The following TLN2 variants were observed in gnomAD, a reference collection of about 807,000 sequenced individuals.
TLN2 encodes talin 2, also known as talin-2.
TLN2 carries 118 observed loss-of-function variants against 294.7 expected under a neutral mutation model. The ratio of observed to expected loss-of-function variants is 0.40; its 90% CI spans 0.34 to 0.47. TLN2 has a LOEUF of 0.47. Ranked by LOEUF, TLN2 falls within the 20% of genes least tolerant of loss-of-function variation. The probability of loss-of-function intolerance (pLI) is 0.84; values close to 1 mark genes in which losing one functional copy is unlikely to be tolerated. For missense variants in TLN2, 3,083 were observed against 3,282.2 expected (o/e 0.94, Z 1.48); for synonymous variants, 1,431 against 1,304.5 (o/e 1.10, Z -2.09).
At chr15:62,491,372 A>G (rs989858894) in intron 1 of TLN2, among the ~76,000 whole-genome samples, 3 of 127,704 alleles carry the variant, frequency 2.3e-5, no homozygotes, top group African/African-American at 1.0e-4. Flanking sequence ...ACACACACAC[A>G]CACACACACA....
intron 1 of TLN2, among the ~76,000 whole-genome samples, chr15:62,421,732 G>A (rs928800034): frequency 2.0e-5 from 3 of 151,924 alleles, no homozygotes; most frequent in African/African-American, 4.8e-5. Context: ...TTGATGCTGC[G>A]GTTATGAAAT....
chr15:62,700,114 A>G (rs2058623058), intron 16 of TLN2, among the ~76,000 whole-genome samples: 1 of 152,192 alleles, frequency 6.6e-6, no homozygotes, highest in Admixed American at 6.5e-5. Context: ...AACAATAAAC[A>G]TTTGCTTTGG....
chr15:62,453,926 G>A (rs1353676853), intron 1 of TLN2, among the ~76,000 whole-genome samples: 2 of 152,120 alleles, frequency 1.3e-5, no homozygotes, highest in African/African-American at 2.4e-5. Flanking sequence ...GCTGCCGGTG[G>A]GTAGGTGGAT....
rs368760477 is a variant in TLN2, at chr15:62,728,926, A to G, written c.3358+1737A>G. Among the ~76,000 whole-genome samples the G allele has an allele frequency of 3.3e-5, 5 of 152,296 alleles. 1 individual carries two copies. The highest frequency in any genetic ancestry group is 3.8e-4 in the East Asian group (2 of 5,196). ...GTGCCCTATTTTAAAACTTTTGCCT[A>G]AGATTAATGCAGATGTTCTCCTCTG... On this transcript the variant is annotated intron_variant, in intron 28 of 58. Transcript: ENST00000636159.
intron 11 of TLN2, among the ~76,000 whole-genome samples, chr15:62,677,806 C>CTTTTTTTTTTTTTTT (rs3055781): frequency 0.21 from 15,791 of 74,918 alleles, 5,282 homozygotes; most frequent in East Asian, 0.47. Context: ...GCACTTGCAA[C>CTTTTTTTTTTTTTTT]TTTTTTTTTT....
chr15:62,403,493 G>A (rs58390856), intron 1 of TLN2, among the ~76,000 whole-genome samples: 6,581 of 152,212 alleles, frequency 0.043, 197 homozygotes, highest in Admixed American at 0.081. Flanking sequence ...TTGGCCTCCC[G>A]AAGTGTTGGG....
At chr15:62,452,385 A>G (rs1004735149) in intron 1 of TLN2, among the ~76,000 whole-genome samples, 13 of 152,232 alleles carry the variant, frequency 8.5e-5, no homozygotes, top group African/African-American at 2.9e-4. Context: ...CACAAGAGAG[A>G]GAAAGACCTG....
intron 32 of TLN2, among the ~76,000 whole-genome samples, chr15:62,745,540 A>G (rs1241354706): frequency 1.3e-5 from 2 of 152,082 alleles, no homozygotes; most frequent in African/African-American, 2.4e-5. Flanking sequence ...CTATGCATAT[A>G]TATGTTTATT....
At chr15:62,562,055 T>C (rs2043010270) in intron 1 of TLN2, among the ~76,000 whole-genome samples, 1 of 152,204 alleles carries the variant, frequency 6.6e-6, no homozygotes, top group Non-Finnish European at 1.5e-5. Context: ...AGTCTAGAAC[T>C]GTCCATCTTC....
At position 62,553,264 on chromosome 15, in the gene TLN2, G is replaced by A. The variant is rs1258631341; in HGVS notation, c.-237-36423G>A. Among the ~76,000 whole-genome samples, 3 of 152,150 alleles carry A rather than the reference G, an allele frequency of 2.0e-5. No homozygotes were observed. In the East Asian group the frequency reaches 5.8e-4, roughly 29 times the overall value. On this transcript the variant is annotated intron_variant, in intron 1 of 58. Coordinates refer to ENST00000636159, the MANE Select transcript of TLN2 (RefSeq NM_015059.3). ...TAATCCCAGCACTTTGGGAGGCCGA[G>A]GCAGATGGATCATCTGTCAGGAGTT...
At chr15:62,637,523 C>T (rs949994400) in intron 3 of TLN2, 1 of 152,160 alleles carries the variant, frequency 6.6e-6, no homozygotes, top group African/African-American at 2.4e-5. Context: ...ACATACAGGC[C>T]AGGAATTCAT....
At chr15:62,424,639 TA>T (rs774886865) in intron 1 of TLN2, among the ~76,000 whole-genome samples, 2 of 149,702 alleles carry the variant, frequency 1.3e-5, no homozygotes, top group Non-Finnish European at 3.0e-5. Context: ...CAGGCATCCC[TA>T]TTTTTCTTTT....
intron 1 of TLN2, among the ~76,000 whole-genome samples, chr15:62,478,843 C>T (rs913302377): frequency 6.6e-6 from 1 of 152,248 alleles, no homozygotes; most frequent in Non-Finnish European, 1.5e-5. Flanking sequence ...CATTAGGCTT[C>T]TCAACTTTTG....
intron 3 of TLN2, chr15:62,644,680 TC>T: frequency 2.3e-6 from 1 of 432,246 alleles, no homozygotes; most frequent in Non-Finnish European, 4.6e-6. Context: ...CCTGCAGGGC[TC>T]CCTCCTTTGA....
chr15:62,725,940 A>G (rs1393319317), intron 27 of TLN2, among the ~76,000 whole-genome samples: 2 of 152,210 alleles, frequency 1.3e-5, no homozygotes, highest in African/African-American at 4.8e-5. Flanking sequence ...GTACATAGAA[A>G]GCACTCAGAA....
At chr15:62,774,296 A>G (rs1469186941) in intron 42 of TLN2, among the ~76,000 whole-genome samples, 2 of 152,186 alleles carry the variant, frequency 1.3e-5, no homozygotes, top group Non-Finnish European at 2.9e-5. Context: ...TGTCTGAAAA[A>G]GAATGGAATC....
chr15:62,468,765 A>T lies in TLN2; in HGVS notation c.-238+78080A>T, dbSNP rs542457651. Among the ~76,000 whole-genome samples the T allele has an allele frequency of 2.8e-3, 141 of 49,888 alleles. 2 individuals are homozygous for T. Among genetic ancestry groups the T allele is most frequent in the South Asian group, 0.016 (10 of 640 alleles). The allele number at this position is 49,888 out of a possible 152,430, so 32.7% of individuals were successfully genotyped here. ...GTCTCAAAAAAAAAATAAAAATAAA[A>T]AAAATACAAAAATAAAAAAAAAAAT... On this transcript the variant is annotated intron_variant, in intron 1 of 58. Coordinates refer to ENST00000636159, the MANE Select transcript of TLN2 (RefSeq NM_015059.3).
At chr15:62,402,169 G>A (rs1251785473) in intron 1 of TLN2, among the ~76,000 whole-genome samples, 5 of 152,166 alleles carry the variant, frequency 3.3e-5, no homozygotes, top group African/African-American at 1.2e-4. Context: ...TGGGTATAAT[G>A]TACTTTCATG....
At chr15:62,392,665 A>G (rs2032194811) in intron 1 of TLN2, among the ~76,000 whole-genome samples, 1 of 152,248 alleles carries the variant, frequency 6.6e-6, no homozygotes, top group South Asian at 2.1e-4. Flanking sequence ...AGTGTTACCG[A>G]AATGATGTCA....
Sources: allele counts gnomAD v4.1 joint callset (sites outside exome capture counted in the v4.1 genomes callset), GRCh38; gene constraint gnomAD v4.1.1; transcripts MANE v1.5; gene names NCBI Gene and HGNC (gene_info 2026-07-23, HGNC 2026-07-21).